PRKCE: variants seen among roughly 807,000 people sequenced by gnomAD.
The protein encoded by PRKCE is protein kinase C epsilon type.
Under a neutral mutation model 85.4 loss-of-function variants are expected in PRKCE, and 16 were observed. That is an observed-to-expected ratio of 0.19 (90% confidence interval 0.13 to 0.28). The LOEUF is 0.28. PRKCE is among the 10% of genes least tolerant of loss of function. The pLI is 1.00. For synonymous variants in PRKCE, 388 were observed against 371.5 expected (o/e 1.04, Z -0.51); for missense variants, 573 against 975.2 (o/e 0.59, Z 5.49).
rs145357836 is a variant in PRKCE, at chr2:45,952,966, T to C, written c.413-23463T>C. ...CTTAAGCGGTAGGCTGAGTTCACCCTGACATCTCATTTTATGGACAGGGAG... is the reference window on the plus strand; with the variant it reads ...CTTAAGCGGTAGGCTGAGTTCACCCCGACATCTCATTTTATGGACAGGGAG... On this transcript the variant is annotated intron_variant, in intron 2 of 14. Coordinates refer to ENST00000306156, the MANE Select transcript of PRKCE (RefSeq NM_005400.3). Among the ~76,000 whole-genome samples the C allele has an allele frequency of 2.4e-3, 365 of 152,332 alleles. 3 individuals carry two copies. Among genetic ancestry groups the C allele is most frequent in the African/African-American group, 8.1e-3 (337 of 41,578 alleles).
At chr2:45,884,402 G>C (rs574865075) in intron 2 of PRKCE, among the ~76,000 whole-genome samples, 1 of 152,220 alleles carries the variant, frequency 6.6e-6, no homozygotes, top group Non-Finnish European at 1.5e-5. Flanking sequence ...CAGGGTGGTG[G>C]TGAGGAAGGA....
chr2:45,679,236 G>A (rs950634691), intron 1 of PRKCE, among the ~76,000 whole-genome samples: 1 of 152,156 alleles, frequency 6.6e-6, no homozygotes. Context: ...GTACTTTGCT[G>A]TAAACACGAA....
intron 1 of PRKCE, among the ~76,000 whole-genome samples, chr2:45,820,245 T>A (rs150203224): frequency 6.6e-6 from 1 of 151,932 alleles, no homozygotes; most frequent in South Asian, 2.1e-4. Context: ...CTGGAACACA[T>A]AGAACACTGC....
chr2:45,663,834 G>A (rs1448431410), intron 1 of PRKCE, among the ~76,000 whole-genome samples: 1 of 151,674 alleles, frequency 6.6e-6, no homozygotes, highest in Non-Finnish European at 1.5e-5. Context: ...TTTGTGTTAT[G>A]AGGGCAGTCA....
intron 6 of PRKCE, among the ~76,000 whole-genome samples, chr2:45,990,607 C>CT (rs1039880710): frequency 1.2e-4 from 18 of 151,812 alleles, no homozygotes; most frequent in African/African-American, 2.9e-4. Context: ...ACTTCCTCTG[C>CT]TTTTTTTTCT....
chr2:46,060,744 C>CTTTTTTTTTTTTTT (rs112560158), intron 10 of PRKCE, among the ~76,000 whole-genome samples: 7 of 140,122 alleles, frequency 5.0e-5, no homozygotes, highest in South Asian at 2.3e-4. Context: ...TTTCTCTCTC[C>CTTTTTTTTTTTTTT]TTTTTTTTTT....
At chr2:45,843,348 G>A (rs1395408305) in intron 2 of PRKCE, among the ~76,000 whole-genome samples, 3 of 152,182 alleles carry the variant, frequency 2.0e-5, no homozygotes, top group African/African-American at 7.2e-5. Context: ...TGGCAGGGCA[G>A]CCTCTCCCAG....
intron 10 of PRKCE, among the ~76,000 whole-genome samples, chr2:46,083,099 G>A (rs1424080205): frequency 1.3e-5 from 2 of 152,140 alleles, no homozygotes; most frequent in African/African-American, 4.8e-5. Flanking sequence ...TTACAGGCAT[G>A]CGCCACCATG....
chr2:45,733,834 A>G (rs1439756550), intron 1 of PRKCE, among the ~76,000 whole-genome samples: 2 of 152,156 alleles, frequency 1.3e-5, no homozygotes, highest in African/African-American at 2.4e-5. Flanking sequence ...TCTGCTCTGC[A>G]AGTCATAAGG....
At chr2:45,783,465 G>A (rs147486434) in intron 1 of PRKCE, among the ~76,000 whole-genome samples, 15 of 152,210 alleles carry the variant, frequency 9.9e-5, no homozygotes, top group African/African-American at 1.4e-4. Context: ...GAAATAGGAC[G>A]GAGTCTCAGG....
intron 2 of PRKCE, among the ~76,000 whole-genome samples, chr2:45,876,484 C>T (rs1014897731): frequency 2.6e-4 from 40 of 152,216 alleles, no homozygotes; most frequent in African/African-American, 9.6e-4. Context: ...TGGTCATACA[C>T]GTTGTCTCCT....
rs988142795 is a variant in PRKCE at position 46,004,128 on chromosome 2, C to T, written c.967-414C>T. ...AACATTAGCCTTTTCCTGCTGTACC[C>T]GTCCAATGTAGATGATGTATTTCTT... On this transcript the variant is annotated intron_variant, in intron 7 of 14. Coordinates refer to ENST00000306156, the MANE Select transcript of PRKCE (RefSeq NM_005400.3). This position sits in a 1 kb window ranked among gnomAD's most constrained non-coding sequence, Gnocchi z 4.1. The T allele has an allele frequency of 2.6e-5, 7 of 269,558 alleles. No individual in the cohort carries two copies. The highest frequency in any genetic ancestry group is 4.5e-5 in the African/African-American group (2 of 44,752). The allele number at this position is 269,558 out of a possible 1,614,324, so 16.7% of individuals were successfully genotyped here.
intron 7 of PRKCE, among the ~76,000 whole-genome samples, chr2:46,002,561 C>A (rs1574184976): frequency 6.6e-6 from 1 of 152,234 alleles, no homozygotes; most frequent in Non-Finnish European, 1.5e-5. Context: ...TTTTCTTAAA[C>A]TTCTCCTACC....
At chr2:45,780,135 A>C (rs561484226) in intron 1 of PRKCE, among the ~76,000 whole-genome samples, 2 of 152,346 alleles carry the variant, frequency 1.3e-5, no homozygotes, top group South Asian at 2.1e-4. Context: ...CTTTCATATC[A>C]TCAAATAGCT....
intron 2 of PRKCE, among the ~76,000 whole-genome samples, chr2:45,940,056 A>G (rs1485298437): frequency 6.6e-6 from 1 of 152,070 alleles, no homozygotes; most frequent in East Asian, 1.9e-4. Flanking sequence ...ATGTTTTAGA[A>G]CTTGTCTCTG....
chr2:45,748,554 G>T (rs1683314642), intron 1 of PRKCE, among the ~76,000 whole-genome samples: 2 of 150,560 alleles, frequency 1.3e-5, no homozygotes, highest in Non-Finnish European at 3.0e-5. Context: ...ATCTCGGTAT[G>T]ACTCAAATAC....
intron 1 of PRKCE, among the ~76,000 whole-genome samples, chr2:45,839,380 C>T (rs544418983): frequency 7.4e-4 from 112 of 152,006 alleles, no homozygotes; most frequent in Admixed American, 1.6e-3. Context: ...GCCAAGGCAC[C>T]GTAGTGTGAA....
intron 11 of PRKCE, among the ~76,000 whole-genome samples, chr2:46,144,719 T>A (rs1171430129): frequency 6.6e-6 from 1 of 152,220 alleles, no homozygotes; most frequent in East Asian, 1.9e-4. Context: ...CCCCAGCTGA[T>A]CCCCATGGTT....
At chr2:45,930,133 C>T (rs1293049152) in intron 2 of PRKCE, among the ~76,000 whole-genome samples, 2 of 152,212 alleles carry the variant, frequency 1.3e-5, no homozygotes, top group African/African-American at 4.8e-5. Context: ...CTCCATCCAG[C>T]TCAGTCACCT....
Sources: allele counts gnomAD v4.1 joint callset (sites outside exome capture counted in the v4.1 genomes callset), GRCh38; gene constraint gnomAD v4.1.1; non-coding constraint Gnocchi (gnomAD v3.1); transcripts MANE v1.5; gene names NCBI Gene and HGNC (gene_info 2026-07-23, HGNC 2026-07-21).